Variants in ZNRF1 observed in about 807,000 individuals in gnomAD.
ZNRF1 encodes E3 ubiquitin-protein ligase ZNRF1.
A neutral mutation model predicts 18.4 loss-of-function variants in ZNRF1; 3 were observed. That is an observed-to-expected ratio of 0.16 (90% CI 0.07 to 0.42). The LOEUF (loss-of-function observed/expected upper bound fraction) is 0.42. ZNRF1 is among the 10% of genes least tolerant of loss of function. ZNRF1 has a pLI of 0.99. For missense variants in ZNRF1, 310 were observed against 329.8 expected (o/e 0.94, Z 0.47); for synonymous variants, 157 against 144.2 (o/e 1.09, Z -0.64).
intron 1 of ZNRF1, among the ~76,000 whole-genome samples, chr16:75,079,812 G>A (rs772802391): frequency 1.3e-5 from 2 of 152,258 alleles, no homozygotes; most frequent in Non-Finnish European, 2.9e-5. Context: ...AGGATGCCCT[G>A]ATGACAGGGT....
chr16:75,007,662 C>T (rs1446658226), intron 1 of ZNRF1, among the ~76,000 whole-genome samples: 1 of 152,176 alleles, frequency 6.6e-6, no homozygotes, highest in Admixed American at 6.5e-5. Context: ...GTTAACGATG[C>T]AGATGACTGG....
intron 1 of ZNRF1, among the ~76,000 whole-genome samples, chr16:75,014,611 A>G (rs1405133358): frequency 2.0e-5 from 3 of 152,126 alleles, no homozygotes; most frequent in Non-Finnish European, 2.9e-5. Context: ...TACGTGAATG[A>G]GTTTTTCTAG....
chr16:75,032,962 G>GT (rs2035325731), intron 1 of ZNRF1, among the ~76,000 whole-genome samples: 1 of 152,164 alleles, frequency 6.6e-6, no homozygotes, highest in South Asian at 2.1e-4. Flanking sequence ...GTAGTGAGCT[G>GT]TAAGCATGCT....
At chr16:75,101,565 G>T (rs1028748822) in intron 2 of ZNRF1, among the ~76,000 whole-genome samples, 1 of 151,810 alleles carries the variant, frequency 6.6e-6, no homozygotes, top group African/African-American at 2.4e-5. Flanking sequence ...GAGAGAGAAC[G>T]CCCCTATTAC....
chr16:75,048,139 T>C lies in ZNRF1; in HGVS notation c.425-45433T>C, dbSNP rs142047451. Reference sequence around the variant, plus strand: ...CTGATTTTTGTATTTTCTGTAGAGATGGGGTTTTGCCCTGTTGCCCAGGCT... The same window carrying C: ...CTGATTTTTGTATTTTCTGTAGAGACGGGGTTTTGCCCTGTTGCCCAGGCT... On this transcript the variant is annotated intron_variant, in intron 1 of 4. Coordinates refer to ENST00000335325, the MANE Select transcript of ZNRF1 (RefSeq NM_032268.5). Among the ~76,000 whole-genome samples, 1,209 of 152,206 alleles carry C rather than the reference T, an allele frequency of 7.9e-3. 26 individuals carry two copies. Among genetic ancestry groups the C allele is most frequent in the African/African-American group, 0.027 (1,130 of 41,536 alleles).
intron 1 of ZNRF1, among the ~76,000 whole-genome samples, chr16:75,033,939 G>GA (rs2035341970): frequency 6.6e-6 from 1 of 151,692 alleles, no homozygotes; most frequent in Non-Finnish European, 1.5e-5. Context: ...CTGAGCTCAG[G>GA]AGTTTGAGAC....
intron 1 of ZNRF1, among the ~76,000 whole-genome samples, chr16:75,010,711 G>GTGTTTTTTTTTTTTT (rs1367958306): frequency 1.3e-5 from 1 of 74,324 alleles, no homozygotes; most frequent in African/African-American, 3.9e-5. Context: ...GTTTTTTTTT[G>GTGTTTTTTTTTTTTT]TTTTTTTGTT....
At chr16:75,030,140 A>C (rs1254168665) in intron 1 of ZNRF1, among the ~76,000 whole-genome samples, 4 of 152,176 alleles carry the variant, frequency 2.6e-5, no homozygotes, top group African/African-American at 7.2e-5. Flanking sequence ...TAAACAGTTG[A>C]ATGGTTTTTA....
At chr16:75,099,274 T>C (rs75228144) in intron 2 of ZNRF1, among the ~76,000 whole-genome samples, 1,931 of 152,236 alleles carry the variant, frequency 0.013, 51 homozygotes, top group African/African-American at 0.039. Flanking sequence ...ATAGCTGGCT[T>C]AGAGAATTAA....
At chr16:75,082,780 C>A (rs1340786226) in intron 1 of ZNRF1, among the ~76,000 whole-genome samples, 2 of 152,148 alleles carry the variant, frequency 1.3e-5, no homozygotes, top group Non-Finnish European at 2.9e-5. Context: ...TCTTGAATAC[C>A]TGAGATCAAG....
chr16:75,007,202 C>G (rs551875449), intron 1 of ZNRF1, among the ~76,000 whole-genome samples: 5 of 151,488 alleles, frequency 3.3e-5, no homozygotes, highest in Admixed American at 3.3e-4. Context: ...GGACTACAGG[C>G]GGATGCCGCT....
intron 1 of ZNRF1, among the ~76,000 whole-genome samples, chr16:75,007,146 C>G (rs1027239882): frequency 5.9e-5 from 9 of 151,452 alleles, no homozygotes; most frequent in African/African-American, 2.2e-4. Context: ...CAGCCTCAGC[C>G]TGTAGGGCTC....
chr16:75,053,478 A>G (rs1270513702), intron 1 of ZNRF1, among the ~76,000 whole-genome samples: 2 of 151,390 alleles, frequency 1.3e-5, no homozygotes, highest in Non-Finnish European at 2.9e-5. Context: ...AGTCCCAGCT[A>G]CTCAAGAGAC....
chr16:75,104,485 C>T (rs971583706), intron 2 of ZNRF1: 7 of 252,108 alleles, frequency 2.8e-5, no homozygotes, highest in African/African-American at 1.6e-4. Context: ...CATGCTGCCC[C>T]TGCTTCCTGT....
At chr16:75,105,262 A>G (rs1367610546) in intron 3 of ZNRF1, 1 of 239,006 alleles carries the variant, frequency 4.2e-6, no homozygotes, top group African/African-American at 2.3e-5. Flanking sequence ...CAGGGGTAGA[A>G]CATCAATCTG....
At chr16:75,093,415 A>G (rs369281406) in intron 1 of ZNRF1, among the ~76,000 whole-genome samples, 157 bp from the exon 2 acceptor site, 1 of 151,878 alleles carries the variant, frequency 6.6e-6, no homozygotes, top group East Asian at 1.9e-4. Context: ...CAGATGCTCA[A>G]ATGAGTCCTT....
intron 1 of ZNRF1, among the ~76,000 whole-genome samples, chr16:75,079,515 G>T (rs1481060288): frequency 5.9e-5 from 9 of 151,962 alleles, no homozygotes; most frequent in Non-Finnish European, 1.0e-4. Context: ...TGACCCATCG[G>T]TCAGGCCCTC....
chr16:75,062,340 C>G (rs928313014), intron 1 of ZNRF1, among the ~76,000 whole-genome samples: 1 of 152,268 alleles, frequency 6.6e-6, no homozygotes, highest in African/African-American at 2.4e-5. Context: ...CAAGGCATCT[C>G]TGAAGGCAGC....
chr16:75,060,217 C>A (rs1204407057), intron 1 of ZNRF1, among the ~76,000 whole-genome samples: 2 of 151,840 alleles, frequency 1.3e-5, no homozygotes, highest in Non-Finnish European at 2.9e-5. Context: ...CCACACCTGG[C>A]TAATTTTTGT....
Sources: gnomAD v4.1 joint callset for allele counts (sites outside exome capture counted in the v4.1 genomes callset) on GRCh38, gnomAD v4.1.1 for gene constraint, MANE v1.5 for transcripts, NCBI Gene and HGNC (gene_info 2026-07-23, HGNC 2026-07-21) for gene names.